The following KIF26B variants were observed in gnomAD, a reference collection of about 807,000 sequenced individuals.
KIF26B encodes the protein kinesin family member 26B.
In KIF26B, 63 loss-of-function variants were observed where a neutral mutation model predicts 151.2. The ratio of observed to expected loss-of-function variants is 0.42; its 90% CI spans 0.34 to 0.51. KIF26B has a LOEUF of 0.51. Ranked by LOEUF, KIF26B falls within the 20% of genes least tolerant of loss-of-function variation. The pLI, the probability that KIF26B is intolerant of heterozygous loss-of-function variation, is 0.07. For missense variants in KIF26B, 2,813 were observed against 2,913.6 expected (o/e 0.97, Z 0.79); for synonymous variants, 1,357 against 1,262.1 (o/e 1.08, Z -1.59).
chr1:245,464,609 TGGGTGTGTGG>T (rs1659733837), intron 4 of KIF26B, among the ~76,000 whole-genome samples: 3 of 144,102 alleles, frequency 2.1e-5, no homozygotes, highest in African/African-American at 8.0e-5. Context: ...GCTGTGCGTG[TGGGTGTGTGG>T]GTGTGTGCAT....
intron 2 of KIF26B, among the ~76,000 whole-genome samples, chr1:245,242,941 C>T (rs528249663): frequency 5.3e-5 from 8 of 152,290 alleles, no homozygotes; most frequent in South Asian, 2.1e-4. Context: ...TGAGCCACCG[C>T]GCCCAGCCAT....
chr1:245,391,425 C>G (rs1673696048), intron 3 of KIF26B, among the ~76,000 whole-genome samples: 1 of 152,084 alleles, frequency 6.6e-6, no homozygotes, highest in African/African-American at 2.4e-5. Context: ...GCTGGGTTTT[C>G]TTTAGATATC....
At chr1:245,518,548 G>T (rs527292952) in intron 4 of KIF26B, among the ~76,000 whole-genome samples, 4 of 152,272 alleles carry the variant, frequency 2.6e-5, no homozygotes, top group African/African-American at 9.6e-5. Context: ...ATAGTAAAAA[G>T]CATGGGATTT....
At chr1:245,387,032 A>C (rs1432579483) in intron 3 of KIF26B, among the ~76,000 whole-genome samples, 1 of 152,224 alleles carries the variant, frequency 6.6e-6, no homozygotes, top group Admixed American at 6.5e-5. Context: ...CGCATCTGAA[A>C]GAATGCTTCA....
intron 3 of KIF26B, among the ~76,000 whole-genome samples, chr1:245,395,340 T>G (rs1673807777): frequency 6.6e-6 from 1 of 152,214 alleles, no homozygotes; most frequent in Admixed American, 6.5e-5. Context: ...TTATATAATC[T>G]ATTCTTTCTT....
chr1:245,287,494 CTCTCTTTT>C (rs1472736249), intron 2 of KIF26B, among the ~76,000 whole-genome samples: 28 of 113,154 alleles, frequency 2.5e-4, no homozygotes, highest in Non-Finnish European at 2.9e-4. Context: ...TCATCTCTCT[CTCTCTTTT>C]TTTTTTTTTT....
At chr1:245,508,271 C>T (rs915933206) in intron 4 of KIF26B, among the ~76,000 whole-genome samples, 2 of 152,160 alleles carry the variant, frequency 1.3e-5, no homozygotes, top group African/African-American at 4.8e-5. Context: ...GACGGAGTCT[C>T]GCTCTGTCGC....
At chr1:245,510,602 CTCTCTCT>C (rs1274110152) in intron 4 of KIF26B, among the ~76,000 whole-genome samples, 1 of 151,748 alleles carries the variant, frequency 6.6e-6, no homozygotes, top group Non-Finnish European at 1.5e-5. Flanking sequence ...CTCTCTCTCT[CTCTCTCT>C]CTCTCTTCCC....
rs566851042 is a variant in KIF26B, at chr1:245,186,887, C to G, written c.465+30204C>G. On this transcript the variant is annotated intron_variant, in intron 2 of 14. Coordinates refer to ENST00000407071, the MANE Select transcript of KIF26B (RefSeq NM_018012.4). ...TCTTTTTTTTTCTGAGACAGAGTCTCTCTCTGTAGCCCAGGCTGGAGTGCA... is the reference window on the plus strand; with the variant it reads ...TCTTTTTTTTTCTGAGACAGAGTCTGTCTCTGTAGCCCAGGCTGGAGTGCA... Among the ~76,000 whole-genome samples, 254 of 151,652 alleles carry G rather than the reference C, an allele frequency of 1.7e-3. 1 individual carries two copies. The highest frequency in any genetic ancestry group is 5.9e-3 in the African/African-American group (243 of 41,324).
intron 2 of KIF26B, among the ~76,000 whole-genome samples, chr1:245,280,365 CA>C (rs1191254237): frequency 0.024 from 3,061 of 129,580 alleles, 110 homozygotes; most frequent in African/African-American, 0.078. Flanking sequence ...ACAAAAAATA[CA>C]AAAAAAAAAA....
intron 2 of KIF26B, among the ~76,000 whole-genome samples, chr1:245,346,035 C>T (rs1263106574): frequency 6.6e-6 from 1 of 150,740 alleles, no homozygotes; most frequent in African/African-American, 2.5e-5. Context: ...TGGGTTCAAG[C>T]GATTCTCCTG....
At chr1:245,308,148 G>A (rs1439053499) in intron 2 of KIF26B, among the ~76,000 whole-genome samples, 1 of 152,118 alleles carries the variant, frequency 6.6e-6, no homozygotes, top group Non-Finnish European at 1.5e-5. Context: ...GTTTAAACCG[G>A]CCTCTGGGTT....
intron 3 of KIF26B, among the ~76,000 whole-genome samples, chr1:245,387,818 A>T (rs1445551587): frequency 6.6e-6 from 1 of 152,038 alleles, no homozygotes. Flanking sequence ...ATGTAGACTC[A>T]TGGAGTTTGG....
chr1:245,368,435 G>A (rs923293209), intron 3 of KIF26B, among the ~76,000 whole-genome samples: 2 of 152,116 alleles, frequency 1.3e-5, no homozygotes, highest in Non-Finnish European at 2.9e-5. Context: ...ATGGAGAGGC[G>A]GCCACGGTCA....
chr1:245,236,611 T>A (rs184411254), intron 2 of KIF26B, among the ~76,000 whole-genome samples: 1 of 152,366 alleles, frequency 6.6e-6, no homozygotes, highest in East Asian at 1.9e-4. Flanking sequence ...TTTGGTATGT[T>A]GTATTTTCTT....
intron 2 of KIF26B, among the ~76,000 whole-genome samples, chr1:245,346,701 G>A (rs1049629732): frequency 6.6e-6 from 1 of 152,102 alleles, no homozygotes; most frequent in Non-Finnish European, 1.5e-5. Context: ...CTTATTACCG[G>A]TTGTAAAGAC....
At chr1:245,547,431 C>G (rs544412039) in intron 5 of KIF26B, among the ~76,000 whole-genome samples, 2 of 151,724 alleles carry the variant, frequency 1.3e-5, no homozygotes, top group South Asian at 2.1e-4. Flanking sequence ...ACTAAAAATA[C>G]AAAAATTAGC....
At position 245,703,024 on chromosome 1, in the gene KIF26B, CTTTA is replaced by C. The variant is rs1335392751; in HGVS notation, c.*421_*424del. 1.2e-5 allele frequency: 2 copies of C among 168,226 alleles called. No individual in the cohort carries two copies. The highest frequency in any genetic ancestry group is 6.3e-5 in the Admixed American group (1 of 15,972). The allele number at this position is 168,226 out of a possible 1,614,324, so 10.4% of individuals were successfully genotyped here. On this transcript the variant is annotated 3_prime_UTR_variant, in exon 15 of 15. Coordinates refer to ENST00000407071, the MANE Select transcript of KIF26B (RefSeq NM_018012.4). ...ATGACTGATTAAGTGCCTTGCAAAT[CTTTA>C]TTATTATCCAAACATTTATGTTCAT... is the stretch of plus-strand genomic sequence containing the variant.
At position 245,687,780 on chromosome 1, in the gene KIF26B, C is replaced by T. The variant is rs761656914; in HGVS notation, c.4797C>T (p.Pro1599=). 11 of 1,585,124 alleles carry T rather than the reference C, an allele frequency of 6.9e-6. No homozygotes were observed. The highest frequency in any genetic ancestry group is 6.8e-5 in the African/African-American group (5 of 74,058). ...LARPKGTPPL[P]PVRKSSLDQK... ...GGCCCAAAGGGACTCCCCCTCTGCC[C>T]CCTGTCCGAAAGTCCAGCCTGGACC... The change falls in exon 12 of 15, where the codon CCC becomes CCT. Residue 1599 remains proline, a synonymous_variant. Coordinates refer to ENST00000407071, the MANE Select transcript of KIF26B (RefSeq NM_018012.4). The surrounding 1 kb of genome is among the most constrained non-coding windows in gnomAD (Gnocchi z 4.9).
Sources: gnomAD v4.1 joint callset for allele counts (sites outside exome capture counted in the v4.1 genomes callset) on GRCh38, gnomAD v4.1.1 for gene constraint, Gnocchi (gnomAD v3.1) non-coding constraint, MANE v1.5 for transcripts, NCBI Gene and HGNC (gene_info 2026-07-23, HGNC 2026-07-21) for gene names.